The following AFF2 variants were observed in gnomAD, a reference collection of about 807,000 sequenced individuals.
The protein encoded by AFF2 is ALF transcription elongation factor 2.
In AFF2, 14 loss-of-function variants were observed where a neutral mutation model predicts 76.9. That is an observed-to-expected ratio of 0.18 (90% CI 0.12 to 0.28). The LOEUF (loss-of-function observed/expected upper bound fraction) is 0.28, where lower values mean the gene tolerates loss of function less well. AFF2 is among the 10% of genes least tolerant of loss of function. The pLI, the probability that AFF2 is intolerant of heterozygous loss-of-function variation, is 1.00. For missense variants in AFF2, 868 were observed against 1,001.1 expected, an observed-to-expected ratio of 0.87 and a Z score of 1.79; for synonymous variants, 398 against 366.7, an observed-to-expected ratio of 1.09 and a Z score of -0.98.
chrX:148,638,821 G>A (rs1339345324), intron 1 of AFF2, among the ~76,000 whole-genome samples: 1 of 111,485 alleles, frequency 9.0e-6, no homozygotes, highest in African/African-American at 3.3e-5. Flanking sequence ...TAAGTACCTC[G>A]TGAGATTTGG....
intron 1 of AFF2, among the ~76,000 whole-genome samples, chrX:148,635,055 C>T (rs1183591010): frequency 9.0e-6 from 1 of 111,087 alleles, no homozygotes; most frequent in Non-Finnish European, 1.9e-5. Context: ...AAATAATGCC[C>T]CGCCTCCCCC....
chrX:148,513,059 G>T (rs1043436580), intron 1 of AFF2, among the ~76,000 whole-genome samples: 3 of 111,920 alleles, frequency 2.7e-5, no homozygotes, highest in Non-Finnish European at 5.6e-5. Flanking sequence ...TATATCATTA[G>T]GAGTATATCA....
In AFF2 at chrX:148,987,289, C is replaced by A. The variant is rs2072483167; in HGVS notation, c.3624-78C>A. On this transcript the variant is annotated intron_variant, in intron 19 of 20. Transcript: ENST00000370460. The stretch of plus-strand genomic sequence containing the variant: ...AAATGGCATTCTGATGAGATCCCAG[C>A]GTGATGGGGAAGGCCTAGAACCCCA... 5 of 917,288 alleles carry A rather than the reference C, an allele frequency of 5.5e-6. No homozygotes were observed. In the African/African-American group the frequency reaches 5.8e-5, roughly 11 times the overall value. 75.6% of individuals were successfully genotyped at this position (917,288 alleles called of 1,213,427 possible).
rs782614523 is a variant in AFF2, at chrX:148,993,731, A to T, written c.*2399A>T. On this transcript the variant is annotated 3_prime_UTR_variant, in exon 21 of 21. Transcript: ENST00000370460. ...GGTGACTGAGTGTAAAATATGTGCC[A>T]AGTCTGCAGCACAGTGACCAAATCT... is the stretch of plus-strand genomic sequence containing the variant. The T allele has an allele frequency of 5.4e-5, 6 of 112,103 alleles. No homozygotes were observed. Among genetic ancestry groups the T allele is most frequent in the Non-Finnish European group, 1.1e-4 (6 of 53,266 alleles). 9.2% of individuals were successfully genotyped at this position (112,103 alleles called of 1,213,427 possible). A position where few individuals can be genotyped will look rare whatever the true frequency, so the allele number is the denominator to read the frequency against.
chrX:148,501,530 A>C (rs2052351109), intron 1 of AFF2, among the ~76,000 whole-genome samples: 2 of 113,162 alleles, frequency 1.8e-5, no homozygotes, highest in South Asian at 3.6e-4. Flanking sequence ...TCAACTTTCC[A>C]GGTGCCCAAC....
chrX:148,708,012 G>C (rs1317675681), intron 3 of AFF2, among the ~76,000 whole-genome samples: 1 of 111,890 alleles, frequency 8.9e-6, no homozygotes, highest in Non-Finnish European at 1.9e-5. Context: ...AAAGCATACT[G>C]TTGGAATTAC....
chrX:148,537,144 G>A (rs902428485), intron 1 of AFF2, among the ~76,000 whole-genome samples: 2 of 112,484 alleles, frequency 1.8e-5, no homozygotes, highest in African/African-American at 3.2e-5. Flanking sequence ...CATTTAAATA[G>A]CAAAGGAATG....
chrX:148,916,561 T>A (rs188484001), intron 9 of AFF2, among the ~76,000 whole-genome samples: 20 of 111,356 alleles, frequency 1.8e-4, no homozygotes, highest in Admixed American at 1.2e-3. Context: ...GCCATGGATG[T>A]TGAAAACCAG....
intron 3 of AFF2, among the ~76,000 whole-genome samples, chrX:148,766,732 T>C (rs1015444459): frequency 1.8e-5 from 2 of 111,384 alleles, no homozygotes; most frequent in African/African-American, 6.5e-5. Flanking sequence ...TGAACGTCTT[T>C]ATAAGCAAGG....
intron 3 of AFF2, among the ~76,000 whole-genome samples, chrX:148,759,620 T>TGCAA (rs782734821): frequency 2.7e-5 from 3 of 112,061 alleles, no homozygotes; most frequent in Admixed American, 9.5e-5. Flanking sequence ...GAATGCACAG[T>TGCAA]GCAAGCATGG....
chrX:148,734,204 GTAT>G (rs2055259508), intron 3 of AFF2, among the ~76,000 whole-genome samples: 1 of 111,760 alleles, frequency 8.9e-6, no homozygotes, highest in Admixed American at 9.5e-5. Context: ...TTGAGCTATT[GTAT>G]GATTTCAGCT....
chrX:148,693,670 A>G (rs1335376372), intron 3 of AFF2, among the ~76,000 whole-genome samples: 1 of 111,800 alleles, frequency 8.9e-6, no homozygotes, highest in African/African-American at 3.3e-5. Context: ...ACTAAGCCAC[A>G]TAAGAAAAGG....
At position 148,999,337 on chromosome X, in the gene AFF2, G is replaced by T. The variant is rs188535773; in HGVS notation, c.*8005G>T. 8.9e-6 allele frequency: 1 copy of T among 111,926 alleles called. No individual in the cohort carries two copies. The allele number at this position is 111,926 out of a possible 1,213,427, so 9.2% of individuals were successfully genotyped here. On this transcript the variant is annotated 3_prime_UTR_variant, in exon 21 of 21. Coordinates refer to ENST00000370460, the MANE Select transcript of AFF2 (RefSeq NM_002025.4). ...AGAATCAGAAAGATAATCCCAACAT[G>T]TTGTAAATGAAGATGTGACTCTATA...
intron 15 of AFF2, among the ~76,000 whole-genome samples, chrX:148,971,747 C>T (rs868914807): frequency 1.5e-3 from 68 of 44,640 alleles, no homozygotes; most frequent in African/African-American, 2.8e-3. Flanking sequence ...TTTTCTATTT[C>T]TTTTTTTTTT....
At chrX:148,581,019 A>ACATGTGTATATATACACACATATATACT (rs2053352482) in intron 1 of AFF2, among the ~76,000 whole-genome samples, 1 of 55,942 alleles carries the variant, frequency 1.8e-5, no homozygotes, top group Non-Finnish European at 3.3e-5. Flanking sequence ...CTACACACAA[A>ACATGTGTATATATACACACATATATACT]CATATGTGTA....
chrX:148,626,506 C>T (rs2053928726), intron 1 of AFF2, among the ~76,000 whole-genome samples: 1 of 110,930 alleles, frequency 9.0e-6, no homozygotes, highest in Admixed American at 9.6e-5. Flanking sequence ...CCTAGGATGG[C>T]TGTAACAAAC....
chrX:148,911,009 G>C (rs782346915), intron 9 of AFF2, among the ~76,000 whole-genome samples: 1 of 110,297 alleles, frequency 9.1e-6, no homozygotes, highest in Non-Finnish European at 1.9e-5. Context: ...TCTGTTTTAT[G>C]ATTATACTCA....
chrX:148,592,699 G>A (rs2124374840), intron 1 of AFF2, among the ~76,000 whole-genome samples: 1 of 111,240 alleles, frequency 9.0e-6, no homozygotes, highest in South Asian at 3.8e-4. Context: ...TGCAAATGAT[G>A]GGGCTTGGGC....
intron 17 of AFF2, 24 bp from the exon 18 acceptor site, chrX:148,978,338 A>G: frequency 9.0e-7 from 1 of 1,108,194 alleles, no homozygotes; most frequent in Non-Finnish European, 1.2e-6. Flanking sequence ...TGGCATTAAC[A>G]GAAGCCTTTC....
Sources: gnomAD v4.1 joint callset for allele counts (sites outside exome capture counted in the v4.1 genomes callset) on GRCh38, gnomAD v4.1.1 for gene constraint, MANE v1.5 for transcripts, NCBI Gene and HGNC (gene_info 2026-07-23, HGNC 2026-07-21) for gene names.